Variants in GADL1 observed in about 807,000 individuals in gnomAD.
GADL1 encodes acidic amino acid decarboxylase GADL1.
GADL1 carries 71 observed loss-of-function variants against 69.5 expected under a neutral mutation model. The observed-to-expected ratio is 1.02, with a 90% CI of 0.84 to 1.25. The LOEUF (loss-of-function observed/expected upper bound fraction) is 1.25. Ranked by LOEUF, GADL1 falls within the 50% of genes most tolerant of loss-of-function variation. GADL1 has a pLI of 0.00. For missense variants in GADL1, 737 were observed against 631.8 expected (o/e 1.17, Z -1.79); for synonymous variants, 254 against 214.4 (o/e 1.18, Z -1.62).
chr3:30,873,302 AT>A (rs1698519253), intron 1 of GADL1, among the ~76,000 whole-genome samples: 1 of 151,978 alleles, frequency 6.6e-6, no homozygotes, highest in Admixed American at 6.6e-5. Flanking sequence ...AGGTTATTTC[AT>A]TTAATCCTCA....
chr3:30,767,354 G>T (rs1696305901), intron 14 of GADL1, among the ~76,000 whole-genome samples: 1 of 152,152 alleles, frequency 6.6e-6, no homozygotes, highest in Non-Finnish European at 1.5e-5. Context: ...TAGAGTATTA[G>T]CAGATTTGAG....
At chr3:30,784,466 A>C (rs959806741) in intron 13 of GADL1, among the ~76,000 whole-genome samples, 1 of 152,136 alleles carries the variant, frequency 6.6e-6, no homozygotes, top group African/African-American at 2.4e-5. Flanking sequence ...TTTAATTTTT[A>C]ATCATTTTGG....
intron 11 of GADL1, among the ~76,000 whole-genome samples, chr3:30,824,846 A>T (rs1202557374): frequency 6.6e-6 from 1 of 151,904 alleles, no homozygotes; most frequent in African/African-American, 2.4e-5. Flanking sequence ...TCTTTATTTT[A>T]ATCTGTGTGA....
In GADL1 at chr3:30,844,403, C is replaced by T; in HGVS notation, c.715G>A (p.Val239Met). The change falls in exon 7 of 15, where the codon GTG becomes ATG. Residue 239 changes from valine (V) to methionine (M), a missense_variant. Transcript: ENST00000282538. ...TCCCATTACCTTCCATCTGTTTCCA[C>T]AAAGCAAACATTCTCAGTGCCAATC... ...LGIGTENVCFVETDGRGKMIP... is the reference protein window; with the variant it reads ...LGIGTENVCFMETDGRGKMIP... The T allele has an allele frequency of 6.2e-7, 1 of 1,612,988 alleles. No individual in the cohort carries two copies. The highest frequency in any genetic ancestry group is 8.5e-7 in the Non-Finnish European group (1 of 1,178,980).
intron 14 of GADL1, among the ~76,000 whole-genome samples, chr3:30,733,262 G>A (rs1273697287): frequency 6.6e-6 from 1 of 152,180 alleles, no homozygotes; most frequent in Non-Finnish European, 1.5e-5. Flanking sequence ...TGGAAACTGT[G>A]GATTTCCATA....
chr3:30,854,733 C>A lies in GADL1; in HGVS notation c.394G>T (p.Ala132Ser). ...TTCAATGCTTCGGTCATAAATCGGG[C>A]CACCAAGGAGTAATAATCAAGTCCA... ...YAGLDYYSLV[A>S]RFMTEALNPS... The change falls in exon 4 of 15, where the codon GCC (alanine) becomes TCC (serine). Residue 132 changes from alanine (A) to serine (S), a missense_variant. Physicochemically the swap from Ala to Ser is moderately conservative, Grantham distance 99. Coordinates refer to ENST00000282538, the MANE Select transcript of GADL1 (RefSeq NM_207359.3). 2 of 1,549,642 alleles carry A rather than the reference C, an allele frequency of 1.3e-6. No homozygotes were observed. Among genetic ancestry groups the A allele is most frequent in the Non-Finnish European group, 1.7e-6 (2 of 1,145,714 alleles).
At chr3:30,784,333 A>G (rs1321980606) in intron 13 of GADL1, among the ~76,000 whole-genome samples, 5 of 152,172 alleles carry the variant, frequency 3.3e-5, no homozygotes, top group Admixed American at 1.3e-4. Context: ...CTTTGAACCT[A>G]AAGAGATTAT....
chr3:30,825,737 A>G (rs1173123811), intron 11 of GADL1, among the ~76,000 whole-genome samples: 2 of 151,866 alleles, frequency 1.3e-5, no homozygotes, highest in Non-Finnish European at 1.5e-5. Context: ...CCATGGACAC[A>G]GGGAGCGGGG....
At chr3:30,770,123 T>C (rs1696383987) in intron 14 of GADL1, among the ~76,000 whole-genome samples, 1 of 152,188 alleles carries the variant, frequency 6.6e-6, no homozygotes. Context: ...CTGGGACCAA[T>C]ATACTTCAGT....
At chr3:30,738,588 G>T (rs1695571005) in intron 14 of GADL1, among the ~76,000 whole-genome samples, 1 of 152,118 alleles carries the variant, frequency 6.6e-6, no homozygotes, top group East Asian at 1.9e-4. Context: ...GTTTTCCAAG[G>T]ATTCATAACA....
chr3:30,860,405 TAAAA>T (rs974608323), intron 2 of GADL1, among the ~76,000 whole-genome samples: 1 of 151,744 alleles, frequency 6.6e-6, no homozygotes, highest in African/African-American at 2.4e-5. Flanking sequence ...TAAAGGCCAA[TAAAA>T]AAAACTGCCA....
intron 14 of GADL1, among the ~76,000 whole-genome samples, chr3:30,736,963 T>G (rs1461482679): frequency 6.6e-6 from 1 of 152,184 alleles, no homozygotes; most frequent in East Asian, 1.9e-4. Context: ...GAAAAGGCCA[T>G]GTACTTAAAA....
At chr3:30,765,693 G>A (rs185617938) in intron 14 of GADL1, among the ~76,000 whole-genome samples, 1 of 152,252 alleles carries the variant, frequency 6.6e-6, no homozygotes, top group East Asian at 1.9e-4. Context: ...TTTTGCATGA[G>A]TTTTTGTACT....
intron 11 of GADL1, among the ~76,000 whole-genome samples, chr3:30,833,467 T>G (rs1052067965): frequency 1.3e-5 from 2 of 152,020 alleles, no homozygotes; most frequent in African/African-American, 4.8e-5. Flanking sequence ...ATTTAATGTA[T>G]GACACACATC....
chr3:30,729,830 A>C (rs998851474), intron 14 of GADL1, among the ~76,000 whole-genome samples: 6 of 152,234 alleles, frequency 3.9e-5, no homozygotes, highest in Non-Finnish European at 8.8e-5. Context: ...AAGTCTTGCA[A>C]AACATGGACT....
At chr3:30,809,843 T>C (rs988868681) in intron 11 of GADL1, among the ~76,000 whole-genome samples, 1 of 152,214 alleles carries the variant, frequency 6.6e-6, no homozygotes, top group Non-Finnish European at 1.5e-5. Flanking sequence ...TTGCATAACA[T>C]TCATACTGCA....
At chr3:30,732,224 A>G (rs1575176820) in intron 14 of GADL1, among the ~76,000 whole-genome samples, 1 of 152,208 alleles carries the variant, frequency 6.6e-6, no homozygotes, top group East Asian at 1.9e-4. Context: ...GAAAATATGC[A>G]TGAACTAAAT....
At chr3:30,736,403 T>G (rs1695541921) in intron 14 of GADL1, among the ~76,000 whole-genome samples, 1 of 152,142 alleles carries the variant, frequency 6.6e-6, no homozygotes, top group South Asian at 2.1e-4. Context: ...AGGGTCCTTA[T>G]GTGGACTAAA....
At chr3:30,750,153 TCTCA>T (rs1223508287) in intron 14 of GADL1, among the ~76,000 whole-genome samples, 2 of 152,194 alleles carry the variant, frequency 1.3e-5, no homozygotes, top group African/African-American at 2.4e-5. Flanking sequence ...ATAATATTCC[TCTCA>T]CTCTTGCTCT....
Sources: gnomAD v4.1 joint callset for allele counts (sites outside exome capture counted in the v4.1 genomes callset) on GRCh38, gnomAD v4.1.1 for gene constraint, MANE v1.5 for transcripts, NCBI Gene and HGNC (gene_info 2026-07-23, HGNC 2026-07-21) for gene names.